Variants in CDIN1 observed in about 807,000 individuals in gnomAD.
CDIN1 encodes the protein CDAN1 interacting nuclease 1.
A neutral mutation model predicts 45.3 loss-of-function variants in CDIN1; 33 were observed. The observed-to-expected ratio is 0.73, with a 90% CI of 0.55 to 0.97. The LOEUF (loss-of-function observed/expected upper bound fraction) is 0.97. Among genes scored for constraint, CDIN1 ranks in the 50% least tolerant of loss-of-function variants. The pLI, the probability that CDIN1 is intolerant of heterozygous loss-of-function variation, is 0.00. For synonymous variants in CDIN1, 118 were observed against 124.4 expected, an observed-to-expected ratio of 0.95 and a Z score of 0.34; for missense variants, 303 against 339.4, an observed-to-expected ratio of 0.89 and a Z score of 0.84.
At chr15:36,618,217 C>T (rs535235131) in intron 1 of CDIN1, 5 of 675,470 alleles carry the variant, frequency 7.4e-6, no homozygotes, top group African/African-American at 5.4e-5. Context: ...CCTGAAGCCT[C>T]ATTTTAGGTC....
chr15:36,699,724 A>G (rs2042564803), intron 8 of CDIN1, among the ~76,000 whole-genome samples: 1 of 152,176 alleles, frequency 6.6e-6, no homozygotes, highest in Non-Finnish European at 1.5e-5. Flanking sequence ...AATTGAAGGG[A>G]AAAATAAATT....
At chr15:36,672,000 T>C (rs2041469125) in intron 5 of CDIN1, among the ~76,000 whole-genome samples, 1 of 152,160 alleles carries the variant, frequency 6.6e-6, no homozygotes, top group Non-Finnish European at 1.5e-5. Context: ...TTGAAATTTG[T>C]TTGACCTTGG....
At chr15:36,794,061 A>ATTT (rs71126238) in intron 10 of CDIN1, among the ~76,000 whole-genome samples, 53,042 of 121,018 alleles carry the variant, frequency 0.44, 13,454 homozygotes, top group Non-Finnish European at 0.51. Context: ...CATCATAACT[A>ATTT]TTTTTTTTTT....
chr15:36,648,138 T>TTATC (rs1276345112), intron 3 of CDIN1, among the ~76,000 whole-genome samples: 4 of 152,120 alleles, frequency 2.6e-5, no homozygotes, highest in African/African-American at 9.6e-5. Context: ...CGTGCCCGGC[T>TTATC]GTGATAGTAT....
At chr15:36,788,106 A>ATATATTT (rs1343541345) in intron 10 of CDIN1, among the ~76,000 whole-genome samples, 2 of 50,550 alleles carry the variant, frequency 4.0e-5, no homozygotes, top group African/African-American at 1.5e-4. Context: ...ATATATATAT[A>ATATATTT]TTTTTTTTTT....
intron 10 of CDIN1, among the ~76,000 whole-genome samples, chr15:36,761,310 AT>A (rs1339503308): frequency 6.6e-6 from 1 of 152,150 alleles, no homozygotes; most frequent in African/African-American, 2.4e-5. Context: ...TGTGCATATA[AT>A]TGCTTCATTG....
intron 10 of CDIN1, chr15:36,804,561 A>G (rs1296960893): frequency 1.3e-5 from 2 of 151,870 alleles, no homozygotes; most frequent in African/African-American, 4.8e-5. Context: ...CAAATGGTGA[A>G]ACAGAGGGAT....
intron 1 of CDIN1, among the ~76,000 whole-genome samples, chr15:36,603,437 T>C (rs1432731472): frequency 1.3e-5 from 2 of 152,214 alleles, no homozygotes; most frequent in Admixed American, 6.5e-5. Flanking sequence ...CTTATTTGCT[T>C]AGAAAGGGAG....
chr15:36,800,515 A>G (rs2141124316), intron 10 of CDIN1, among the ~76,000 whole-genome samples: 1 of 152,300 alleles, frequency 6.6e-6, no homozygotes, highest in Middle Eastern at 3.4e-3. Flanking sequence ...GTGCAAGCAT[A>G]TTTCACTTGG....
chr15:36,703,544 G>T (rs575614943), intron 8 of CDIN1, among the ~76,000 whole-genome samples: 1 of 151,312 alleles, frequency 6.6e-6, no homozygotes, highest in South Asian at 2.1e-4. Context: ...TAGCAATGCC[G>T]GACAGGATAA....
chr15:36,590,372 C>T (rs1382490754), intron 1 of CDIN1, among the ~76,000 whole-genome samples: 3 of 152,144 alleles, frequency 2.0e-5, no homozygotes. Context: ...AAAGCAATAA[C>T]TTCAAGACTA....
chr15:36,607,235 G>A (rs760781086), intron 1 of CDIN1, among the ~76,000 whole-genome samples: 10 of 152,172 alleles, frequency 6.6e-5, no homozygotes, highest in African/African-American at 9.7e-5. Context: ...TGTTGGATCA[G>A]TGGGAAGTGG....
intron 5 of CDIN1, among the ~76,000 whole-genome samples, chr15:36,662,154 G>A (rs7177679): frequency 0.96 from 145,796 of 152,316 alleles, 69,786 homozygotes; most frequent in East Asian, 1. Flanking sequence ...TTTCTTTCAT[G>A]TTGCTGTTTA....
chr15:36,626,742 G>T, intron 1 of CDIN1: 1 of 415,282 alleles, frequency 2.4e-6, no homozygotes, highest in South Asian at 1.9e-5. Flanking sequence ...AGATTGACTG[G>T]TGTTTTATAG....
intron 1 of CDIN1, among the ~76,000 whole-genome samples, chr15:36,591,349 T>C (rs1455190376): frequency 6.6e-6 from 1 of 152,142 alleles, no homozygotes; most frequent in Non-Finnish European, 1.5e-5. Flanking sequence ...CTAATAAAAT[T>C]TGAAATTAAC....
At chr15:36,663,317 A>G (rs916707801) in intron 5 of CDIN1, among the ~76,000 whole-genome samples, 1 of 152,188 alleles carries the variant, frequency 6.6e-6, no homozygotes. Flanking sequence ...TAGCAGAGTG[A>G]CTTGATGAGA....
At chr15:36,689,163 A>G (rs1335836497) in intron 5 of CDIN1, among the ~76,000 whole-genome samples, 2 of 152,230 alleles carry the variant, frequency 1.3e-5, no homozygotes, top group African/African-American at 4.8e-5. Flanking sequence ...TAATCCTGAT[A>G]AGCATACCAC....
intron 5 of CDIN1, among the ~76,000 whole-genome samples, chr15:36,673,676 A>G (rs1212715692): frequency 6.6e-6 from 1 of 152,202 alleles, no homozygotes; most frequent in East Asian, 1.9e-4. Context: ...TTTGCTTTGA[A>G]TGGCCCTTTT....
chr15:36,619,055 A>T, intron 1 of CDIN1: 1 of 1,275,586 alleles, frequency 7.8e-7, no homozygotes, highest in Admixed American at 2.2e-5. Context: ...AACAAAGACA[A>T]TGAAGCTCCT....
Sources: gnomAD v4.1 joint callset for allele counts (sites outside exome capture counted in the v4.1 genomes callset) on GRCh38, gnomAD v4.1.1 for gene constraint, MANE v1.5 for transcripts, NCBI Gene and HGNC (gene_info 2026-07-23, HGNC 2026-07-21) for gene names.